Variants in ADGRL3 observed in about 807,000 individuals in gnomAD.
ADGRL3 encodes adhesion G protein-coupled receptor L3.
ADGRL3 carries 62 observed loss-of-function variants against 153.5 expected under a neutral mutation model. That is an observed-to-expected ratio of 0.40 (90% CI 0.33 to 0.50). ADGRL3 has a LOEUF of 0.50. Among genes scored for constraint, ADGRL3 ranks in the 20% least tolerant of loss-of-function variants. The pLI is 0.47. For missense variants in ADGRL3, 1,641 were observed against 1,859.4 expected (o/e 0.88, Z 2.16); for synonymous variants, 710 against 672.5 (o/e 1.06, Z -0.86).
intron 1 of ADGRL3, among the ~76,000 whole-genome samples, chr4:61,331,121 G>A (rs899490399): frequency 2.0e-5 from 3 of 152,164 alleles, no homozygotes; most frequent in Non-Finnish European, 2.9e-5. Flanking sequence ...GAGATAGTAT[G>A]TTGTGTCTGT....
intron 17 of ADGRL3, among the ~76,000 whole-genome samples, chr4:61,961,841 A>G (rs891963937): frequency 6.6e-6 from 1 of 152,188 alleles, no homozygotes; most frequent in Non-Finnish European, 1.5e-5. Flanking sequence ...AGAAAAACAA[A>G]CCATTAAAAT....
chr4:61,595,759 T>C (rs867913034), intron 5 of ADGRL3, among the ~76,000 whole-genome samples: 1 of 152,240 alleles, frequency 6.6e-6, no homozygotes, highest in Middle Eastern at 3.4e-3. Flanking sequence ...CCAAATCTCC[T>C]TTCAAGTTTA....
chr4:61,652,736 T>A (rs1051943245), intron 5 of ADGRL3, among the ~76,000 whole-genome samples: 1 of 152,228 alleles, frequency 6.6e-6, no homozygotes, highest in Non-Finnish European at 1.5e-5. Flanking sequence ...TTTATATTTC[T>A]GTCATAATTA....
chr4:61,228,510 A>G (rs573740685), intron 1 of ADGRL3, among the ~76,000 whole-genome samples: 1 of 152,138 alleles, frequency 6.6e-6, no homozygotes, highest in Non-Finnish European at 1.5e-5. Flanking sequence ...ACCACTATTT[A>G]TATAGTAGAG....
intron 21 of ADGRL3, among the ~76,000 whole-genome samples, chr4:62,009,653 C>T (rs2099174897): frequency 6.6e-6 from 1 of 152,082 alleles, no homozygotes; most frequent in Non-Finnish European, 1.5e-5. Flanking sequence ...CACTTCTGAA[C>T]CAAATACATG....
intron 5 of ADGRL3, among the ~76,000 whole-genome samples, chr4:61,655,431 TTTTC>T (rs1316439977): frequency 6.6e-6 from 1 of 152,154 alleles, no homozygotes; most frequent in African/African-American, 2.4e-5. Flanking sequence ...TTATTTATTA[TTTTC>T]TTTAACAGTA....
chr4:61,699,332 A>G lies in ADGRL3; in HGVS notation c.583+22397A>G, dbSNP rs1313664066. On this transcript the variant is annotated intron_variant, in intron 6 of 26. Transcript: ENST00000683033. ...GATGTAAATTTTTTTAAAAAATAAT[A>G]TTTCTTAGCAATTATAATATTTAAT... is the stretch of plus-strand genomic sequence containing the variant. Among the ~76,000 whole-genome samples the G allele has an allele frequency of 3.3e-5, 5 of 152,260 alleles. No individual in the cohort carries two copies. The South Asian group carries it at 8.3e-4, about 25-fold the overall frequency.
chr4:61,925,735 C>G (rs2037534077), intron 13 of ADGRL3, among the ~76,000 whole-genome samples: 1 of 152,126 alleles, frequency 6.6e-6, no homozygotes, highest in African/African-American at 2.4e-5. Flanking sequence ...ACGGCTCTGC[C>G]CCCATGACCC....
chr4:61,547,762 A>G (rs928137688), intron 4 of ADGRL3, among the ~76,000 whole-genome samples: 1 of 152,122 alleles, frequency 6.6e-6, no homozygotes, highest in African/African-American at 2.4e-5. Context: ...TCCTTTGGGT[A>G]TATACCCTAT....
chr4:61,877,343 A>T (rs2098481788), intron 9 of ADGRL3, among the ~76,000 whole-genome samples: 1 of 152,202 alleles, frequency 6.6e-6, no homozygotes, highest in Admixed American at 6.5e-5. Context: ...AAACAGTGAA[A>T]CTATAGAGTT....
intron 2 of ADGRL3, among the ~76,000 whole-genome samples, chr4:61,445,734 C>A (rs142330496): frequency 6.6e-6 from 1 of 152,156 alleles, no homozygotes; most frequent in Non-Finnish European, 1.5e-5. Context: ...CATTTCTTAG[C>A]CTTAAATGCT....
intron 2 of ADGRL3, among the ~76,000 whole-genome samples, chr4:61,447,773 C>T (rs530295105): frequency 6.6e-6 from 1 of 152,264 alleles, no homozygotes; most frequent in South Asian, 2.1e-4. Context: ...TGTGTAGAAG[C>T]TGTTCTCATT....
At chr4:61,575,243 T>C (rs1455308745) in intron 4 of ADGRL3, among the ~76,000 whole-genome samples, 1 of 152,038 alleles carries the variant, frequency 6.6e-6, no homozygotes, top group African/African-American at 2.4e-5. Context: ...TGTTTTCAGC[T>C]TCCTCTAATA....
chr4:61,769,946 T>C (rs1014454702), intron 8 of ADGRL3, among the ~76,000 whole-genome samples: 1 of 152,142 alleles, frequency 6.6e-6, no homozygotes, highest in African/African-American at 2.4e-5. Context: ...TGTGATTCTT[T>C]AGTTACTTCA....
chr4:61,905,851 T>A (rs1234221750), intron 11 of ADGRL3, among the ~76,000 whole-genome samples: 2 of 150,488 alleles, frequency 1.3e-5, no homozygotes, highest in Non-Finnish European at 2.9e-5. Flanking sequence ...GTCGAGATCA[T>A]GCCACTGCAC....
chr4:61,736,029 A>C (rs1242777494), intron 8 of ADGRL3, among the ~76,000 whole-genome samples: 7 of 152,140 alleles, frequency 4.6e-5, no homozygotes, highest in Admixed American at 4.6e-4. Flanking sequence ...ATATACTCAT[A>C]CACATATATG....
intron 9 of ADGRL3, among the ~76,000 whole-genome samples, chr4:61,881,978 C>T (rs1313769112): frequency 2.6e-5 from 4 of 152,144 alleles, no homozygotes; most frequent in African/African-American, 9.7e-5. Context: ...AATCTGTCAA[C>T]TCTGATTCAG....
intron 1 of ADGRL3, among the ~76,000 whole-genome samples, chr4:61,293,129 G>A (rs978572538): frequency 2.6e-5 from 4 of 152,160 alleles, no homozygotes; most frequent in African/African-American, 7.2e-5. Flanking sequence ...ACGTTGTGTA[G>A]CAGCTGGAGG....
intron 11 of ADGRL3, among the ~76,000 whole-genome samples, chr4:61,899,530 A>C (rs551803903): frequency 1.1e-4 from 16 of 152,112 alleles, no homozygotes; most frequent in Non-Finnish European, 1.9e-4. Flanking sequence ...CAATATACAC[A>C]TGCAAAAAAA....
Sources: allele counts gnomAD v4.1 joint callset (sites outside exome capture counted in the v4.1 genomes callset), GRCh38; gene constraint gnomAD v4.1.1; transcripts MANE v1.5; gene names NCBI Gene and HGNC (gene_info 2026-07-23, HGNC 2026-07-21).